The following FBXO25 variants were observed in gnomAD, a reference collection of about 807,000 sequenced individuals.
FBXO25 encodes the protein F-box only protein 25.
FBXO25 carries 45 observed loss-of-function variants against 51.9 expected under a neutral mutation model. That is an observed-to-expected ratio of 0.87 (90% CI 0.68 to 1.11). The LOEUF is 1.11. FBXO25 is among the 50% of genes most tolerant of loss of function. The pLI, the probability that FBXO25 is intolerant of heterozygous loss-of-function variation, is 0.00. For synonymous variants in FBXO25, 199 were observed against 151.0 expected (o/e 1.32, Z -2.33); for missense variants, 507 against 428.5 (o/e 1.18, Z -1.62).
chr8:407,875 T>G (rs892241949), intron 1 of FBXO25, among the ~76,000 whole-genome samples: 14 of 152,218 alleles, frequency 9.2e-5, no homozygotes, highest in African/African-American at 3.4e-4. Context: ...TTGACCTTTT[T>G]CTCAATTAGA....
chr8:452,957 G>C (rs1437457265), intron 7 of FBXO25, among the ~76,000 whole-genome samples: 1 of 151,744 alleles, frequency 6.6e-6, no homozygotes, highest in Non-Finnish European at 1.5e-5. Context: ...GAGAGGCACG[G>C]GCTGAGGGAT....
chr8:447,217 C>A (rs994154060), intron 5 of FBXO25, among the ~76,000 whole-genome samples: 18 of 152,230 alleles, frequency 1.2e-4, no homozygotes, highest in African/African-American at 4.1e-4. Flanking sequence ...CAGTTTTACT[C>A]AGGGACATGG....
At chr8:417,832 G>A (rs1422138832) in intron 2 of FBXO25, among the ~76,000 whole-genome samples, 2 of 152,044 alleles carry the variant, frequency 1.3e-5, no homozygotes, top group Non-Finnish European at 2.9e-5. Flanking sequence ...CATCATTTTG[G>A]CTATTTCCCA....
At chr8:424,031 C>G (rs1414702014) in intron 2 of FBXO25, among the ~76,000 whole-genome samples, 1 of 151,770 alleles carries the variant, frequency 6.6e-6, no homozygotes, top group African/African-American at 2.4e-5. Context: ...ATGCATTTCT[C>G]TAATGCTATG....
At position 477,379 on chromosome 8, in the gene FBXO25, G is replaced by C. The variant is rs889186519; in HGVS notation, c.*8575G>C. On this transcript the variant is annotated 3_prime_UTR_variant, in exon 10 of 10. Coordinates refer to ENST00000350302, the MANE Select transcript of FBXO25 (RefSeq NM_183420.2). ...ACTGCAGTCTCCTACTCTTACTGTA[G>C]AACTATCCATTTCTTCCTTTGATTC... is the stretch of plus-strand genomic sequence containing the variant. The C allele has an allele frequency of 3.9e-5, 6 of 152,204 alleles. No individual in the cohort carries two copies. Among genetic ancestry groups the C allele is most frequent in the African/African-American group, 1.4e-4 (6 of 41,440 alleles). 9.4% of individuals were successfully genotyped at this position (152,204 alleles called of 1,614,324 possible).
chr8:421,054 G>T (rs1251512977), intron 2 of FBXO25, among the ~76,000 whole-genome samples: 4 of 152,252 alleles, frequency 2.6e-5, no homozygotes, highest in African/African-American at 7.2e-5. Context: ...TAGCCTGTTA[G>T]GACCTGGGCC....
intron 2 of FBXO25, among the ~76,000 whole-genome samples, chr8:420,954 A>T (rs907239951): frequency 1.3e-5 from 2 of 152,232 alleles, no homozygotes; most frequent in Non-Finnish European, 2.9e-5. Flanking sequence ...CAAATGATAC[A>T]AACTGTGACA....
Position 468,944 on chromosome 8 carries a change from A to G in FBXO25, c.*140A>G. The G allele has an allele frequency of 2.9e-6, 2 of 694,494 alleles. No homozygotes were observed. The highest frequency in any genetic ancestry group is 2.3e-6 in the Non-Finnish European group (1 of 425,594). 43.0% of individuals were successfully genotyped at this position (694,494 alleles called of 1,614,324 possible). A position where few individuals can be genotyped will look rare whatever the true frequency, so the allele number is the denominator to read the frequency against. On this transcript the variant is annotated 3_prime_UTR_variant, in exon 10 of 10. Transcript: ENST00000350302. ...GCCTGGGAAGAACTGCCCTTCTGCA[A>G]AGGGGGGACTGCATGGTTGCATTTT...
chr8:435,174 G>A (rs898900294), intron 4 of FBXO25, among the ~76,000 whole-genome samples: 8 of 152,150 alleles, frequency 5.3e-5, no homozygotes, highest in African/African-American at 1.4e-4. Flanking sequence ...TGCCTCCCCT[G>A]CAGAGAAATC....
Position 450,083 on chromosome 8 carries a change from G to T in FBXO25, c.475G>T (p.Val159Phe), listed in dbSNP as rs1172246760. Reference protein sequence around the residue: ...FNILDKIVQKVLDDHHNPRLI... With the variant: ...FNILDKIVQKFLDDHHNPRLI... ...CATTTTGGATAAAATCGTTCAAAAG[G>T]GTAAGATGATCACTGTATTTTTAAT... The change falls in exon 6 of 10, where the codon GTT becomes TTT. Residue 159 changes from valine (V) to phenylalanine (F), a missense_variant and splice_region_variant. Transcript: ENST00000350302. 1 of 1,602,216 alleles carries T rather than the reference G, an allele frequency of 6.2e-7. No homozygotes were observed.
At chr8:444,488 C>A (rs1563083346) in intron 5 of FBXO25, among the ~76,000 whole-genome samples, 2 of 152,078 alleles carry the variant, frequency 1.3e-5, no homozygotes, top group African/African-American at 2.4e-5. Context: ...ATCTCTAATT[C>A]TTTGAAATGA....
At chr8:449,703 T>C (rs1798959305) in intron 5 of FBXO25, among the ~76,000 whole-genome samples, 1 of 152,200 alleles carries the variant, frequency 6.6e-6, no homozygotes, top group Non-Finnish European at 1.5e-5. Flanking sequence ...TTTCAGACTC[T>C]TGCAGCCTGG....
Position 412,849 on chromosome 8 carries a change from A to G in FBXO25, c.-7-224A>G, listed in dbSNP as rs56329055. Among the ~76,000 whole-genome samples the G allele has an allele frequency of 4.8e-3, 729 of 152,314 alleles. 2 individuals are homozygous for G. The highest frequency in any genetic ancestry group is 0.017 in the African/African-American group (690 of 41,574). ...ACCTCTGGTAAACCTTTCATGGGATACGCAGTATTAGGCCAGTAAAACCAC... is the reference window on the plus strand; with the variant it reads ...ACCTCTGGTAAACCTTTCATGGGATGCGCAGTATTAGGCCAGTAAAACCAC... On this transcript the variant is annotated intron_variant, in intron 1 of 9. Coordinates refer to ENST00000350302, the MANE Select transcript of FBXO25 (RefSeq NM_183420.2).
rs1800559567 is a variant in FBXO25 at position 473,798 on chromosome 8, C to G, written c.*4994C>G. The G allele has an allele frequency of 6.6e-6, 1 of 152,086 alleles. No homozygotes were observed. The highest frequency in any genetic ancestry group is 1.5e-5 in the Non-Finnish European group (1 of 68,026). 9.4% of individuals were successfully genotyped at this position (152,086 alleles called of 1,614,324 possible). On this transcript the variant is annotated 3_prime_UTR_variant, in exon 10 of 10. Coordinates refer to ENST00000350302, the MANE Select transcript of FBXO25 (RefSeq NM_183420.2). ...CATCTGTGTCAAATAGAAGAGACACCTCAACTGTCTCGTTTTTGCATGGAA... is the reference window on the plus strand; with the variant it reads ...CATCTGTGTCAAATAGAAGAGACACGTCAACTGTCTCGTTTTTGCATGGAA...
chr8:453,926 C>T (rs763570207), intron 7 of FBXO25, among the ~76,000 whole-genome samples: 1 of 152,054 alleles, frequency 6.6e-6, no homozygotes, highest in African/African-American at 2.4e-5. Context: ...GAGTTCGAGA[C>T]CAGCCTGGCC....
At chr8:424,085 T>C (rs1797324091) in intron 2 of FBXO25, among the ~76,000 whole-genome samples, 1 of 151,926 alleles carries the variant, frequency 6.6e-6, no homozygotes, top group South Asian at 2.1e-4. Flanking sequence ...TTGTATATCT[T>C]GTTTGAGAAG....
intron 2 of FBXO25, among the ~76,000 whole-genome samples, chr8:416,339 A>G (rs1005505285): frequency 3.3e-5 from 5 of 152,270 alleles, no homozygotes; most frequent in African/African-American, 1.2e-4. Context: ...CAGGAAATCC[A>G]GAGCCATCAG....
chr8:452,530 CT>C (rs1450504977), intron 7 of FBXO25, among the ~76,000 whole-genome samples: 1 of 152,222 alleles, frequency 6.6e-6, no homozygotes. Context: ...CCAAAGTCCC[CT>C]TTCTCCTGAT....
At chr8:407,369 G>A in intron 1 of FBXO25, 2 of 981,738 alleles carry the variant, frequency 2.0e-6, no homozygotes, top group South Asian at 9.5e-5. Context: ...TGAAGTCTGG[G>A]TCCGCGGGCG....
Sources: gnomAD v4.1 joint callset for allele counts (sites outside exome capture counted in the v4.1 genomes callset) on GRCh38, gnomAD v4.1.1 for gene constraint, MANE v1.5 for transcripts, NCBI Gene and HGNC (gene_info 2026-07-23, HGNC 2026-07-21) for gene names.